FCHSD2: variants seen among roughly 807,000 people sequenced by gnomAD.
FCHSD2 encodes FCH and double SH3 domains 2.
A neutral mutation model predicts 108.1 loss-of-function variants in FCHSD2; 38 were observed. The ratio of observed to expected loss-of-function variants is 0.35; its 90% confidence interval spans 0.27 to 0.46. The LOEUF is 0.46. Ranked by LOEUF, FCHSD2 falls within the 20% of genes least tolerant of loss-of-function variation. The pLI is 1.00. For missense variants in FCHSD2, 751 were observed against 897.8 expected, an observed-to-expected ratio of 0.84 and a Z score of 2.09; for synonymous variants, 279 against 314.7, an observed-to-expected ratio of 0.89 and a Z score of 1.20.
At chr11:72,979,359 T>C (rs756573756) in intron 8 of FCHSD2, among the ~76,000 whole-genome samples, 1 of 151,320 alleles carries the variant, frequency 6.6e-6, no homozygotes, top group Non-Finnish European at 1.5e-5. Context: ...AAGAAAGAAA[T>C]GAAATTTAAA....
At chr11:72,900,421 C>T in intron 10 of FCHSD2, 2 of 815,556 alleles carry the variant, frequency 2.5e-6, no homozygotes, top group Non-Finnish European at 4.0e-6. Flanking sequence ...ACATTTAGCA[C>T]AGTGTTTAGA....
At chr11:72,881,066 G>A (rs577639281) in intron 12 of FCHSD2, among the ~76,000 whole-genome samples, 1 of 152,070 alleles carries the variant, frequency 6.6e-6, no homozygotes, top group African/African-American at 2.4e-5. Flanking sequence ...ATGCAGCAAA[G>A]GAAACAAAAG....
At chr11:73,078,238 C>T (rs1217263120) in intron 3 of FCHSD2, among the ~76,000 whole-genome samples, 2 of 152,178 alleles carry the variant, frequency 1.3e-5, no homozygotes, top group Non-Finnish European at 2.9e-5. Flanking sequence ...TCATACATTG[C>T]TGGTGAGAAT....
chr11:72,938,176 GTTTTTTTT>G (rs67901943), intron 8 of FCHSD2, among the ~76,000 whole-genome samples: 1 of 112,564 alleles, frequency 8.9e-6, no homozygotes. Context: ...TTATGAAGGA[GTTTTTTTT>G]TTTTTTTTTT....
chr11:72,938,343 ACTATTAGACAAGG>A (rs1409751727), intron 8 of FCHSD2, among the ~76,000 whole-genome samples: 1 of 152,162 alleles, frequency 6.6e-6, no homozygotes, highest in Non-Finnish European at 1.5e-5. Flanking sequence ...GCCAGTCGAG[ACTATTAGACAAGG>A]CTATTAGCAG....
chr11:72,864,770 T>C (rs1212147092), intron 13 of FCHSD2, among the ~76,000 whole-genome samples: 4 of 152,224 alleles, frequency 2.6e-5, no homozygotes, highest in African/African-American at 4.8e-5. Flanking sequence ...AAAAGTCAGG[T>C]TGTCATCTTG....
chr11:72,926,397 G>A (rs1565326220), intron 8 of FCHSD2, among the ~76,000 whole-genome samples: 1 of 152,150 alleles, frequency 6.6e-6, no homozygotes, highest in Non-Finnish European at 1.5e-5. Context: ...CAGTTGCAGA[G>A]AGGAGTATTC....
chr11:73,083,490 A>G (rs1440615993), intron 3 of FCHSD2, among the ~76,000 whole-genome samples: 1 of 151,968 alleles, frequency 6.6e-6, no homozygotes, highest in Non-Finnish European at 1.5e-5. Flanking sequence ...CGGAGGTTGC[A>G]GTGAGCCAAG....
intron 10 of FCHSD2, among the ~76,000 whole-genome samples, chr11:72,899,349 T>C (rs1855481482): frequency 6.6e-6 from 1 of 152,178 alleles, no homozygotes; most frequent in South Asian, 2.1e-4. Flanking sequence ...ATAGACATTT[T>C]ACCAAAGAAG....
intron 2 of FCHSD2, among the ~76,000 whole-genome samples, chr11:73,117,424 G>T (rs1171132763): frequency 6.6e-6 from 1 of 151,990 alleles, no homozygotes; most frequent in Non-Finnish European, 1.5e-5. Flanking sequence ...CATATTTTGG[G>T]TTTTTTCCTA....
intron 8 of FCHSD2, among the ~76,000 whole-genome samples, chr11:72,950,865 A>G (rs1856608699): frequency 6.6e-6 from 1 of 152,164 alleles, no homozygotes; most frequent in Admixed American, 6.5e-5. Flanking sequence ...CTGTGGGACT[A>G]CACTTCCTAG....
intron 5 of FCHSD2, among the ~76,000 whole-genome samples, chr11:72,991,546 G>C (rs950109461): frequency 6.6e-6 from 1 of 152,146 alleles, no homozygotes; most frequent in Non-Finnish European, 1.5e-5. Context: ...GGGATGCAAG[G>C]CTGGTTCAAC....
Position 72,924,096 on chromosome 11 carries a change from T to C in FCHSD2, c.706-2146A>G, listed in dbSNP as rs547361381. The stretch of plus-strand genomic sequence containing the variant: ...TCACTTTCTTGAAAGTTTCTTTTGA[T>C]GTACAAAAGTTTTACTTTTTTAAAA... On this transcript the variant is annotated intron_variant, in intron 8 of 19. Transcript: ENST00000409418. Among the ~76,000 whole-genome samples the C allele has an allele frequency of 5.1e-4, 78 of 152,238 alleles. No homozygotes were observed. The Middle Eastern group carries it at 0.01, about 20-fold the overall frequency.
intron 12 of FCHSD2, 120 bp from the exon 13 acceptor site, chr11:72,868,146 C>T: frequency 2.3e-6 from 2 of 858,712 alleles, no homozygotes; most frequent in Admixed American, 2.7e-5. Context: ...GGTACATATA[C>T]ACCATGGAAT....
intron 3 of FCHSD2, among the ~76,000 whole-genome samples, chr11:73,073,602 T>C (rs1367828472): frequency 6.6e-6 from 1 of 152,234 alleles, no homozygotes; most frequent in Non-Finnish European, 1.5e-5. Context: ...CTCACCTGTA[T>C]GCTCTGTAAA....
chr11:73,045,133 A>G (rs1858728992), intron 3 of FCHSD2, among the ~76,000 whole-genome samples: 1 of 152,156 alleles, frequency 6.6e-6, no homozygotes. Flanking sequence ...TTCTCAAAAG[A>G]AGACATTTAT....
intron 3 of FCHSD2, among the ~76,000 whole-genome samples, chr11:73,049,105 G>A (rs536970723): frequency 7.2e-5 from 11 of 152,236 alleles, no homozygotes; most frequent in African/African-American, 2.2e-4. Context: ...GTGAAGATCT[G>A]ATTTAATAGC....
chr11:73,137,532 A>C (rs1239714574), intron 2 of FCHSD2, among the ~76,000 whole-genome samples: 1 of 152,256 alleles, frequency 6.6e-6, no homozygotes, highest in Non-Finnish European at 1.5e-5. Context: ...AAATATAGCC[A>C]GTTACATTCG....
chr11:72,843,650 A>G, intron 14 of FCHSD2, 118 bp from the exon 15 acceptor site: 1 of 703,748 alleles, frequency 1.4e-6, no homozygotes, highest in South Asian at 1.7e-5. Flanking sequence ...AACATGTTGA[A>G]CATAAAAATT....
Sources: gnomAD v4.1 joint callset for allele counts (sites outside exome capture counted in the v4.1 genomes callset) on GRCh38, gnomAD v4.1.1 for gene constraint, MANE v1.5 for transcripts, NCBI Gene and HGNC (gene_info 2026-07-23, HGNC 2026-07-21) for gene names.